Variants in CNTLN observed in about 807,000 individuals in gnomAD.
CNTLN encodes centlein, centrosomal protein.
In CNTLN, 212 loss-of-function variants were observed where a neutral mutation model predicts 180.0. That is an observed-to-expected ratio of 1.18 (90% confidence interval 1.05 to 1.32). CNTLN has a LOEUF of 1.32. Ranked by LOEUF, CNTLN falls within the 40% of genes most tolerant of loss-of-function variation. CNTLN has a pLI of 0.00. For synonymous variants in CNTLN, 722 were observed against 563.1 expected (o/e 1.28, Z -3.99); for missense variants, 2,095 against 1,610.9 (o/e 1.30, Z -5.14).
At chr9:17,484,965 A>T (rs941350669) in intron 24 of CNTLN, among the ~76,000 whole-genome samples, 4 of 152,160 alleles carry the variant, frequency 2.6e-5, no homozygotes, top group African/African-American at 9.6e-5. Context: ...AAAAATATTT[A>T]TTGCTTAAAA....
At chr9:17,262,354 A>G (rs2132383980) in intron 5 of CNTLN, among the ~76,000 whole-genome samples, 2 of 151,800 alleles carry the variant, frequency 1.3e-5, no homozygotes, top group South Asian at 4.1e-4. Flanking sequence ...GACTGGATAA[A>G]GAAAATGTGG....
rs188016656 is a variant in CNTLN, at chr9:17,170,249, C to G, written c.449+26873C>G. 1.9e-3 allele frequency among the ~76,000 whole-genome samples: 293 copies of G among 152,222 alleles called. 2 individuals carry two copies. Among genetic ancestry groups the G allele is most frequent in the African/African-American group, 6.8e-3 (281 of 41,570 alleles). ...GCTGATTTTGTATTCTGAAACTTAA[C>G]TAAATTTGTTTACTAGTTTCTAACA... On this transcript the variant is annotated intron_variant, in intron 2 of 25. Transcript: ENST00000380647.
chr9:17,501,439 C>T (rs1341864400), intron 25 of CNTLN, among the ~76,000 whole-genome samples: 2 of 152,234 alleles, frequency 1.3e-5, no homozygotes, highest in Middle Eastern at 3.2e-3. Context: ...TCTACTACCA[C>T]AGCTAGTCTT....
At chr9:17,331,430 TA>T (rs2133117594) in intron 9 of CNTLN, among the ~76,000 whole-genome samples, 1 of 151,980 alleles carries the variant, frequency 6.6e-6, no homozygotes, top group East Asian at 1.9e-4. Context: ...TTGACTAATA[TA>T]AAAATTCTAA....
intron 6 of CNTLN, among the ~76,000 whole-genome samples, chr9:17,290,617 G>A (rs1022254277): frequency 6.9e-6 from 1 of 144,638 alleles, no homozygotes; most frequent in Non-Finnish European, 1.5e-5. Context: ...CCTGGCTGCC[G>A]CCTTGCAGTT....
At position 17,342,237 on chromosome 9, in the gene CNTLN, A is replaced by T. The variant is rs1196626012; in HGVS notation, c.1767-88A>T. ...CTCGAGTTAGAAATTTGGTCAATAG[A>T]TATTTTTAAATTTTAAGGAATGTAT... On this transcript the variant is annotated intron_variant, in intron 11 of 25. Transcript: ENST00000380647. 1.3e-5 allele frequency: 17 copies of T among 1,328,692 alleles called. No individual in the cohort carries two copies. The Admixed American group carries it at 3.4e-4, about 27-fold the overall frequency. The allele number at this position is 1,328,692 out of a possible 1,614,324, so 82.3% of individuals were successfully genotyped here. A position where few individuals can be genotyped will look rare whatever the true frequency, so the allele number is the denominator to read the frequency against.
intron 2 of CNTLN, among the ~76,000 whole-genome samples, chr9:17,192,550 T>C (rs1821857566): frequency 6.6e-6 from 1 of 152,174 alleles, no homozygotes; most frequent in African/African-American, 2.4e-5. Context: ...GTAGGCCCTA[T>C]TCTTATTTTC....
At chr9:17,460,225 C>A (rs532926015) in intron 19 of CNTLN, among the ~76,000 whole-genome samples, 1 of 151,610 alleles carries the variant, frequency 6.6e-6, no homozygotes, top group East Asian at 1.9e-4. Flanking sequence ...TACATAGAGC[C>A]GAGATGAGAA....
rs1034359672 is a variant in CNTLN, at chr9:17,226,111, A to G, written c.450-92A>G. ...TCAACTCAAGATGATTTAATTTTCT[A>G]TATTTTAAAGTGATATTAATATTTG... is the stretch of plus-strand genomic sequence containing the variant. On this transcript the variant is annotated intron_variant, in intron 2 of 25. Coordinates refer to ENST00000380647, the MANE Select transcript of CNTLN (RefSeq NM_017738.4). 14 of 608,340 alleles carry G rather than the reference A, an allele frequency of 2.3e-5. No homozygotes were observed. The Admixed American group carries it at 3.5e-4, about 15-fold the overall frequency. 37.7% of individuals were successfully genotyped at this position (608,340 alleles called of 1,614,324 possible).
At chr9:17,457,417 TC>T (rs1831194097) in intron 18 of CNTLN, 106 bp from the exon 19 acceptor site, 2 of 606,948 alleles carry the variant, frequency 3.3e-6, no homozygotes, top group African/African-American at 1.9e-5. Context: ...TAATTTCAGT[TC>T]TCTTTAATAT....
intron 5 of CNTLN, among the ~76,000 whole-genome samples, chr9:17,239,258 A>G (rs1825342540): frequency 6.6e-6 from 1 of 152,038 alleles, no homozygotes; most frequent in African/African-American, 2.4e-5. Context: ...GTCTGGAATC[A>G]TTGTGGTTTT....
chr9:17,247,830 C>CT (rs1825888889), intron 5 of CNTLN, among the ~76,000 whole-genome samples: 8 of 81,782 alleles, frequency 9.8e-5, no homozygotes, highest in South Asian at 4.3e-4. Context: ...TTTCTCTGTT[C>CT]TTTCTTTTTT....
intron 18 of CNTLN, among the ~76,000 whole-genome samples, chr9:17,439,560 A>T (rs577113326): frequency 6.6e-6 from 1 of 152,360 alleles, no homozygotes; most frequent in African/African-American, 2.4e-5. Context: ...TGGTACTCAG[A>T]TGGAAATTTA....
chr9:17,268,928 GCTGT>G (rs1827722288), intron 5 of CNTLN, among the ~76,000 whole-genome samples: 3 of 151,904 alleles, frequency 2.0e-5, no homozygotes, highest in South Asian at 4.2e-4. Flanking sequence ...TTTTCCAGGT[GCTGT>G]CTGTCACCCC....
intron 18 of CNTLN, among the ~76,000 whole-genome samples, chr9:17,432,446 A>G (rs1390671699): frequency 1.3e-5 from 2 of 152,176 alleles, no homozygotes; most frequent in African/African-American, 4.8e-5. Context: ...TGACTAGATG[A>G]TAGATAGAAT....
the CNTLN span, among the ~76,000 whole-genome samples, chr9:17,515,516 T>C: frequency 6.6e-6 from 1 of 152,152 alleles, no homozygotes; most frequent in African/African-American, 2.4e-5. Flanking sequence ...GTATCCCAAA[T>C]GTCACATGTC....
chr9:17,293,882 C>T (rs1817592564), intron 6 of CNTLN, among the ~76,000 whole-genome samples: 1 of 152,020 alleles, frequency 6.6e-6, no homozygotes, highest in Non-Finnish European at 1.5e-5. Flanking sequence ...TGGGGGACCT[C>T]CTGATCTGTG....
chr9:17,384,274 T>G (rs1825502720), intron 13 of CNTLN, among the ~76,000 whole-genome samples: 1 of 117,436 alleles, frequency 8.5e-6, no homozygotes, highest in Admixed American at 1.0e-4. Flanking sequence ...TGGGTGTAAT[T>G]TACAATAAAT....
intron 3 of CNTLN, among the ~76,000 whole-genome samples, chr9:17,228,178 A>G (rs1437081172): frequency 6.6e-6 from 1 of 152,136 alleles, no homozygotes; most frequent in Non-Finnish European, 1.5e-5. Flanking sequence ...TTGGTTTACC[A>G]GCTTTGGATA....
Sources: gnomAD v4.1 joint callset for allele counts (sites outside exome capture counted in the v4.1 genomes callset) on GRCh38, gnomAD v4.1.1 for gene constraint, MANE v1.5 for transcripts, NCBI Gene and HGNC (gene_info 2026-07-23, HGNC 2026-07-21) for gene names.